CCSER1: variants seen among roughly 807,000 people sequenced by gnomAD.
CCSER1 encodes the protein serine-rich coiled-coil domain-containing protein 1.
A neutral mutation model predicts 82.0 loss-of-function variants in CCSER1; 41 were observed. The ratio of observed to expected loss-of-function variants is 0.50; its 90% CI spans 0.39 to 0.65. CCSER1 has a LOEUF of 0.65. Among genes scored for constraint, CCSER1 ranks in the 30% least tolerant of loss-of-function variants. The pLI is 0.00. For synonymous variants in CCSER1, 414 were observed against 383.9 expected, an observed-to-expected ratio of 1.08 and a Z score of -0.92; for missense variants, 1,119 against 1,064.2, an observed-to-expected ratio of 1.05 and a Z score of -0.72.
intron 1 of CCSER1, among the ~76,000 whole-genome samples, chr4:90,276,422 C>T (rs1274576365): frequency 6.7e-6 from 1 of 150,048 alleles, no homozygotes; most frequent in African/African-American, 2.5e-5. Context: ...TCTCTGCTCA[C>T]TGCAACCTTC....
intron 10 of CCSER1, among the ~76,000 whole-genome samples, chr4:91,188,608 G>T (rs751523436): frequency 6.6e-6 from 1 of 152,090 alleles, no homozygotes; most frequent in East Asian, 1.9e-4. Flanking sequence ...GTGTACCCTG[G>T]AACTTAATGT....
chr4:90,874,355 A>T (rs1266232936), intron 8 of CCSER1, among the ~76,000 whole-genome samples: 1 of 152,082 alleles, frequency 6.6e-6, no homozygotes. Context: ...AAACCTCTAA[A>T]TTTTTTTAAA....
intron 10 of CCSER1, among the ~76,000 whole-genome samples, chr4:91,270,622 C>A (rs904468167): frequency 1.3e-5 from 2 of 152,148 alleles, no homozygotes; most frequent in Admixed American, 6.5e-5. Context: ...GCTCAGTCCT[C>A]ATACTCATCC....
In CCSER1 at chr4:90,796,108, A is replaced by T. The variant is rs186902616; in HGVS notation, c.2011-19654A>T. On this transcript the variant is annotated intron_variant, in intron 7 of 10. Coordinates refer to ENST00000509176, the MANE Select transcript of CCSER1 (RefSeq NM_001145065.2). ...TACATCTAGTGGAATTCAGCTGTGA[A>T]TCCATCTGGTCCTGGGCTTTTATTG... Among the ~76,000 whole-genome samples, 507 of 152,136 alleles carry T rather than the reference A, an allele frequency of 3.3e-3. 10 individuals carry two copies. Among genetic ancestry groups the T allele is most frequent in the Admixed American group, 0.029 (445 of 15,280 alleles).
At chr4:90,893,943 C>T (rs1043459789) in intron 8 of CCSER1, among the ~76,000 whole-genome samples, 1 of 151,880 alleles carries the variant, frequency 6.6e-6, no homozygotes, top group African/African-American at 2.4e-5. Context: ...CATACACTGA[C>T]TTTATAGCTA....
chr4:90,482,737 C>T (rs866605033), intron 5 of CCSER1, among the ~76,000 whole-genome samples: 142 of 152,290 alleles, frequency 9.3e-4, no homozygotes, highest in African/African-American at 3.3e-3. Flanking sequence ...ATCTGAGAGA[C>T]AGTTTGTTAT....
At chr4:90,391,483 T>TATATATATAC (rs1554021253) in intron 3 of CCSER1, among the ~76,000 whole-genome samples, 26 of 84,960 alleles carry the variant, frequency 3.1e-4, no homozygotes, top group Non-Finnish European at 4.7e-4. Context: ...TATATATATA[T>TATATATATAC]ATACACACAC....
rs190159600 is a variant in CCSER1, at chr4:90,510,521, G to T, written c.1724+42167G>T. 8.6e-4 allele frequency among the ~76,000 whole-genome samples: 131 copies of T among 152,324 alleles called. 1 individual carries two copies. The Middle Eastern group carries it at 0.01, about 12-fold the overall frequency. ...CACATATGAGACAAAGAAATGAGAAGTTATAACTAGGCAAGTCCTGGACTT... is the reference window on the plus strand; with the variant it reads ...CACATATGAGACAAAGAAATGAGAATTTATAACTAGGCAAGTCCTGGACTT... On this transcript the variant is annotated intron_variant, in intron 5 of 10. Coordinates refer to ENST00000509176, the MANE Select transcript of CCSER1 (RefSeq NM_001145065.2).
At chr4:90,478,627 T>C (rs1002246622) in intron 5 of CCSER1, among the ~76,000 whole-genome samples, 1 of 152,176 alleles carries the variant, frequency 6.6e-6, no homozygotes, top group Admixed American at 6.6e-5. Flanking sequence ...TTATATGTTG[T>C]TATTATCTGC....
intron 10 of CCSER1, among the ~76,000 whole-genome samples, chr4:91,124,783 GGTT>G (rs1727367059): frequency 6.6e-6 from 1 of 151,742 alleles, no homozygotes; most frequent in African/African-American, 2.4e-5. Context: ...AGATTTTTAT[GGTT>G]GTTTTATTAA....
rs1431005624 is a variant in CCSER1, at chr4:90,749,301, T to C, written c.2010+25310T>C. ...ACCATTTATTAAATAGGAAATCCTT[T>C]CCCCATTGCTTGTTTTTCTCAGGTT... On this transcript the variant is annotated intron_variant, in intron 7 of 10. Transcript: ENST00000509176. Among the ~76,000 whole-genome samples the C allele has an allele frequency of 2.6e-5, 4 of 151,934 alleles. No individual in the cohort carries two copies. In the South Asian group the frequency reaches 6.3e-4, roughly 24 times the overall value.
intron 3 of CCSER1, among the ~76,000 whole-genome samples, chr4:90,398,724 G>T (rs1752384962): frequency 6.6e-6 from 1 of 152,238 alleles, no homozygotes; most frequent in Non-Finnish European, 1.5e-5. Flanking sequence ...ATAAACAAGT[G>T]ATTTTATTTA....
chr4:91,589,915 C>G (rs1259740421), intron 10 of CCSER1, among the ~76,000 whole-genome samples: 1 of 151,866 alleles, frequency 6.6e-6, no homozygotes, highest in East Asian at 1.9e-4. Context: ...CACACACACA[C>G]TCTCTCACAC....
At chr4:91,593,638 C>T (rs1292298525) in intron 10 of CCSER1, among the ~76,000 whole-genome samples, 1 of 151,668 alleles carries the variant, frequency 6.6e-6, no homozygotes, top group Non-Finnish European at 1.5e-5. Context: ...AAGTAAAAAC[C>T]CAATGCTTTA....
At chr4:90,394,735 G>A (rs1435667793) in intron 3 of CCSER1, among the ~76,000 whole-genome samples, 1 of 151,842 alleles carries the variant, frequency 6.6e-6, no homozygotes, top group Non-Finnish European at 1.5e-5. Flanking sequence ...CCACTTTAAT[G>A]TTATTTATTT....
chr4:90,218,174 A>G (rs1405331571), intron 1 of CCSER1, among the ~76,000 whole-genome samples: 1 of 152,202 alleles, frequency 6.6e-6, no homozygotes, highest in Non-Finnish European at 1.5e-5. Context: ...ATCCATGTCT[A>G]CTGAGATGAT....
At chr4:90,801,554 A>G (rs894702413) in intron 7 of CCSER1, among the ~76,000 whole-genome samples, 99 of 152,296 alleles carry the variant, frequency 6.5e-4, no homozygotes, top group African/African-American at 2.3e-3. Flanking sequence ...ATCTTAGGAG[A>G]TATGCCACTG....
In CCSER1 at chr4:91,156,185, A is replaced by G. The variant is rs550371251; in HGVS notation, c.2217+70191A>G. ...TGATGGCCAAATAGGGGTTCATTAT[A>G]TCTACTATTGTATGTACTTGAAGTA... is the stretch of plus-strand genomic sequence containing the variant. On this transcript the variant is annotated intron_variant, in intron 10 of 10. Coordinates refer to ENST00000509176, the MANE Select transcript of CCSER1 (RefSeq NM_001145065.2). Among the ~76,000 whole-genome samples, 4 of 151,872 alleles carry G rather than the reference A, an allele frequency of 2.6e-5. No homozygotes were observed. In the East Asian group the frequency reaches 7.7e-4, roughly 29 times the overall value.
intron 10 of CCSER1, among the ~76,000 whole-genome samples, chr4:91,390,658 T>C (rs1751591464): frequency 6.6e-6 from 1 of 152,038 alleles, no homozygotes; most frequent in African/African-American, 2.4e-5. Flanking sequence ...AGAATTTGTA[T>C]AATTTTCTCC....
Sources: gnomAD v4.1 joint callset for allele counts (sites outside exome capture counted in the v4.1 genomes callset) on GRCh38, gnomAD v4.1.1 for gene constraint, MANE v1.5 for transcripts, NCBI Gene and HGNC (gene_info 2026-07-23, HGNC 2026-07-21) for gene names.